Variants in TSHR observed in about 807,000 individuals in gnomAD.
TSHR encodes the protein thyroid stimulating hormone receptor, also known as thyrotropin receptor.
Under a neutral mutation model 64.1 loss-of-function variants are expected in TSHR, and 51 were observed. The ratio of observed to expected loss-of-function variants is 0.80; its 90% confidence interval spans 0.64 to 1.01. TSHR has a LOEUF of 1.01. Among genes scored for constraint, TSHR ranks in the 50% least tolerant of loss-of-function variants. The probability of loss-of-function intolerance (pLI) is 0.00; values close to 1 mark genes in which losing one functional copy is unlikely to be tolerated. For missense variants in TSHR, 877 were observed against 942.8 expected, an observed-to-expected ratio of 0.93 and a Z score of 0.91; for synonymous variants, 361 against 361.9, an observed-to-expected ratio of 1.00 and a Z score of 0.03.
chr14:80,982,331 AAGAG>A, intron 1 of TSHR: 1 of 1,206,506 alleles, frequency 8.3e-7, no homozygotes, highest in Admixed American at 2.1e-5. Context: ...TGGGCTGAGG[AAGAG>A]GCCACTATCA....
At chr14:80,967,351 T>C (rs1887376125) in intron 1 of TSHR, among the ~76,000 whole-genome samples, 1 of 148,622 alleles carries the variant, frequency 6.7e-6, no homozygotes, top group South Asian at 2.2e-4. Flanking sequence ...AGTGGTGTGA[T>C]CTCGACTCTC....
chr14:81,133,291 C>G (rs1171881353), intron 8 of TSHR, among the ~76,000 whole-genome samples: 2 of 152,062 alleles, frequency 1.3e-5, no homozygotes, highest in African/African-American at 4.8e-5. Flanking sequence ...AGGTGAGAGC[C>G]CATCCATGGT....
chr14:81,010,903 T>C (rs1395003805), intron 1 of TSHR, among the ~76,000 whole-genome samples: 1 of 149,972 alleles, frequency 6.7e-6, no homozygotes, highest in Non-Finnish European at 1.5e-5. Context: ...GTAAATCTGA[T>C]TCTTTAGGTC....
intron 1 of TSHR, chr14:80,982,629 A>G: frequency 9.2e-7 from 1 of 1,090,766 alleles, no homozygotes. Flanking sequence ...AGGCCCAAGG[A>G]CTGGTCTGAG....
At position 81,145,662 on chromosome 14, in the gene TSHR, T is replaced by C. The variant is rs1891901213; in HGVS notation, c.*1309T>C. 4.3e-6 allele frequency: 1 copy of C among 233,198 alleles called. No homozygotes were observed. The highest frequency in any genetic ancestry group is 6.0e-5 in the East Asian group (1 of 16,570). The allele number at this position is 233,198 out of a possible 1,614,324, so 14.4% of individuals were successfully genotyped here. ...TTGCCATTTCCAGTCCACGGTATGA[T>C]ACTAAAGCTGTCAAGAGAGGTTTCT... On this transcript the variant is annotated 3_prime_UTR_variant, in exon 10 of 10. Transcript: ENST00000298171.
intron 3 of TSHR, among the ~76,000 whole-genome samples, chr14:81,082,594 C>A (rs1268976213): frequency 6.6e-6 from 1 of 152,156 alleles, no homozygotes; most frequent in Non-Finnish European, 1.5e-5. Flanking sequence ...CCTGATCCCA[C>A]AACACGGGCA....
rs370387000 is a variant in TSHR at position 81,039,959 on chromosome 14, G to GA, written c.171-22183dup. ...CCAATGACAGTTTTTCAAAGAAATA[G>GA]AAAAAACCCTAAATTCGTATGAAGC... On this transcript the variant is annotated intron_variant, in intron 1 of 9. Transcript: ENST00000298171. Among the ~76,000 whole-genome samples, 862 of 151,878 alleles carry GA rather than the reference G, an allele frequency of 5.7e-3. 10 individuals carry two copies. The highest frequency in any genetic ancestry group is 0.031 in the Middle Eastern group (9 of 294).
At chr14:80,965,208 C>T (rs1460321194) in intron 1 of TSHR, among the ~76,000 whole-genome samples, 6 of 152,194 alleles carry the variant, frequency 3.9e-5, no homozygotes, top group South Asian at 2.1e-4. Flanking sequence ...AGCAACACTG[C>T]GCTTGGGGTG....
At chr14:81,072,819 A>T (rs1023236104) in intron 3 of TSHR, among the ~76,000 whole-genome samples, 1 of 146,046 alleles carries the variant, frequency 6.8e-6, no homozygotes, top group Non-Finnish European at 1.5e-5. Flanking sequence ...AAAACGGTGA[A>T]ACCCCGTCTC....
chr14:80,978,050 G>T (rs1594909493), intron 1 of TSHR, among the ~76,000 whole-genome samples: 1 of 150,828 alleles, frequency 6.6e-6, no homozygotes, highest in Non-Finnish European at 1.5e-5. Flanking sequence ...TGTATTCATT[G>T]CTTTCCTTCA....
At chr14:81,030,601 A>G (rs1198857175) in intron 1 of TSHR, among the ~76,000 whole-genome samples, 1 of 152,192 alleles carries the variant, frequency 6.6e-6, no homozygotes, top group East Asian at 1.9e-4. Flanking sequence ...GTAGTTTTTC[A>G]TTTTGTGAAA....
At position 81,144,027 on chromosome 14, in the gene TSHR, A is replaced by G. The variant is rs750049492; in HGVS notation, c.1969A>G (p.Ser657Gly). The G allele has an allele frequency of 6.2e-7, 1 of 1,614,170 alleles. No individual in the cohort carries two copies. The highest frequency in any genetic ancestry group is 8.5e-7 in the Non-Finnish European group (1 of 1,180,034). ...TCTGAACAAGCCTCTCATCACTGTT[A>G]GCAACTCCAAAATCTTGCTGGTACT... ...AILNKPLITV[S>G]NSKILLVLFY... The change falls in exon 10 of 10, where the codon AGC (serine) becomes GGC (glycine). Residue 657 changes from serine to glycine, a missense_variant. Physicochemically the swap from Ser to Gly is moderately conservative, Grantham distance 56. Coordinates refer to ENST00000298171, the MANE Select transcript of TSHR (RefSeq NM_000369.5).
intron 1 of TSHR, among the ~76,000 whole-genome samples, chr14:81,060,156 C>T (rs190398980): frequency 1.1e-4 from 16 of 152,160 alleles, no homozygotes; most frequent in Admixed American, 7.2e-4. Flanking sequence ...AGTTTAGTCC[C>T]ATATTACCTA....
intron 1 of TSHR, among the ~76,000 whole-genome samples, chr14:80,976,823 A>G (rs2284720): frequency 0.19 from 28,492 of 152,240 alleles, 3,282 homozygotes; most frequent in Admixed American, 0.28. Flanking sequence ...TCTTTCAGCG[A>G]ATCATTGAAT....
chr14:81,113,909 C>A (rs557054673), intron 8 of TSHR, among the ~76,000 whole-genome samples: 1 of 152,252 alleles, frequency 6.6e-6, no homozygotes, highest in East Asian at 1.9e-4. Context: ...CTAGAATTTT[C>A]TTTCTGTTAA....
At chr14:81,061,502 A>T (rs569048295) in intron 1 of TSHR, among the ~76,000 whole-genome samples, 1 of 152,194 alleles carries the variant, frequency 6.6e-6, no homozygotes, top group African/African-American at 2.4e-5. Context: ...AGGGACTTGG[A>T]TGGAGCTGGA....
intron 8 of TSHR, among the ~76,000 whole-genome samples, chr14:81,109,564 C>A (rs1346385845): frequency 6.6e-6 from 1 of 152,144 alleles, no homozygotes; most frequent in Non-Finnish European, 1.5e-5. Flanking sequence ...TTTTATTAAT[C>A]TTTTATTTAT....
rs761830770 is a variant in TSHR, at chr14:81,143,161, A to G, written c.1103A>G (p.Gln368Arg). 3 of 1,614,190 alleles carry G rather than the reference A, an allele frequency of 1.9e-6. No homozygotes were observed. The Middle Eastern group carries it at 4.9e-4, about 266-fold the overall frequency. ...GAGGATGAGATCATTGGTTTTGGCCAGGAGCTCAAAAACCCCCAGGAAGAG... is the reference window on the plus strand; with the variant it reads ...GAGGATGAGATCATTGGTTTTGGCCGGGAGCTCAAAAACCCCCAGGAAGAG... ...EQEDEIIGFG[Q>R]ELKNPQEETL... Residue 368 changes from glutamine to arginine, a missense_variant, in exon 10 of 10, where the codon CAG becomes CGG. Physicochemically the swap from Gln to Arg is conservative, Grantham distance 43. Transcript: ENST00000298171.
At chr14:81,076,147 T>A (rs1036898072) in intron 3 of TSHR, among the ~76,000 whole-genome samples, 2 of 152,134 alleles carry the variant, frequency 1.3e-5, no homozygotes, top group Admixed American at 6.5e-5. Context: ...GACCATTGCA[T>A]CTTAAAAGGC....
Sources: gnomAD v4.1 joint callset for allele counts (sites outside exome capture counted in the v4.1 genomes callset) on GRCh38, gnomAD v4.1.1 for gene constraint, MANE v1.5 for transcripts, NCBI Gene and HGNC (gene_info 2026-07-23, HGNC 2026-07-21) for gene names.